The following AKAP13 variants were observed in gnomAD, a reference collection of about 807,000 sequenced individuals.
The protein encoded by AKAP13 is A-kinase anchoring protein 13, also known as A-kinase anchor protein 13.
Under a neutral mutation model 264.5 loss-of-function variants are expected in AKAP13, and 80 were observed. The observed-to-expected ratio is 0.30, with a 90% CI of 0.25 to 0.36. The LOEUF is 0.36. Among genes scored for constraint, AKAP13 ranks in the 10% least tolerant of loss-of-function variants. AKAP13 has a pLI of 1.00. For missense variants in AKAP13, 3,712 were observed against 3,435.2 expected, an observed-to-expected ratio of 1.08 and a Z score of -2.01; for synonymous variants, 1,380 against 1,250.2, an observed-to-expected ratio of 1.10 and a Z score of -2.19.
At chr15:85,733,271 T>C (rs1159818591) in intron 30 of AKAP13, among the ~76,000 whole-genome samples, 3 of 152,274 alleles carry the variant, frequency 2.0e-5, no homozygotes, top group Non-Finnish European at 4.4e-5. Flanking sequence ...CCCCAAGGTA[T>C]TAATTACTCT....
intron 15 of AKAP13, 99 bp from the exon 16 acceptor site, chr15:85,684,642 A>G: frequency 1.5e-6 from 2 of 1,312,762 alleles, no homozygotes; most frequent in Non-Finnish European, 2.1e-6. Context: ...TACTCTATAA[A>G]AAGCCATTCA....
chr15:85,513,954 T>C (rs1186542070), intron 2 of AKAP13, among the ~76,000 whole-genome samples: 2 of 138,360 alleles, frequency 1.4e-5, no homozygotes, highest in Admixed American at 7.2e-5. Flanking sequence ...TCTGTCTTTA[T>C]TGAGATCTTT....
chr15:85,552,242 C>G (rs1025840387), intron 5 of AKAP13, among the ~76,000 whole-genome samples: 4 of 152,174 alleles, frequency 2.6e-5, no homozygotes, highest in African/African-American at 9.7e-5. Flanking sequence ...GTTCTTGATT[C>G]ATTAAACAGC....
chr15:85,479,787 T>C (rs11638498), intron 1 of AKAP13, among the ~76,000 whole-genome samples: 77,264 of 151,992 alleles, frequency 0.51, 20,183 homozygotes, highest in Middle Eastern at 0.61. Context: ...ATGTCATTAA[T>C]GGTGGAGCGC....
At chr15:85,599,242 C>G (rs1196657663) in intron 8 of AKAP13, among the ~76,000 whole-genome samples, 1 of 152,202 alleles carries the variant, frequency 6.6e-6, no homozygotes, top group Non-Finnish European at 1.5e-5. Context: ...GTGGCTGTTG[C>G]AGCTGAACGC....
At chr15:85,617,678 A>C (rs2081002204) in intron 8 of AKAP13, among the ~76,000 whole-genome samples, 1 of 152,240 alleles carries the variant, frequency 6.6e-6, no homozygotes, top group Non-Finnish European at 1.5e-5. Flanking sequence ...TATTGAGGAC[A>C]GAGGGGAGGC....
chr15:85,713,075 C>G (rs900123036), intron 19 of AKAP13, among the ~76,000 whole-genome samples: 6 of 152,170 alleles, frequency 3.9e-5, no homozygotes, highest in African/African-American at 1.4e-4. Context: ...CTATAAAGTA[C>G]TTAGCAGTAA....
chr15:85,740,034 C>T lies in AKAP13; in HGVS notation c.7558-188C>T, dbSNP rs555998186. ...CCTATACATAGGTCACTGTGGTCTT[C>T]GTTTGTTTTTCTTGGCTGCTGGTGC... On this transcript the variant is annotated intron_variant, in intron 33 of 36. Transcript: ENST00000394518. Among the ~76,000 whole-genome samples the T allele has an allele frequency of 3.3e-5, 5 of 152,122 alleles. No homozygotes were observed. The East Asian group carries it at 5.8e-4, about 18-fold the overall frequency.
At chr15:85,519,501 G>A (rs2076734411) in intron 2 of AKAP13, among the ~76,000 whole-genome samples, 1 of 152,108 alleles carries the variant, frequency 6.6e-6, no homozygotes, top group Non-Finnish European at 1.5e-5. Flanking sequence ...TTGAGAAATG[G>A]ACTCTTCTCA....
chr15:85,697,602 CGAATA>C (rs1187362654), intron 17 of AKAP13, among the ~76,000 whole-genome samples: 1 of 151,746 alleles, frequency 6.6e-6, no homozygotes, highest in Non-Finnish European at 1.5e-5. Context: ...AAGGATGAAA[CGAATA>C]GAATCTATAA....
At chr15:85,382,227 TGAAAAA>T (rs2070317040) in intron 1 of AKAP13, 1 of 152,224 alleles carries the variant, frequency 6.6e-6, no homozygotes, top group South Asian at 2.1e-4. Context: ...ATCTGCTAAA[TGAAAAA>T]GAAAAATTTG....
intron 5 of AKAP13, among the ~76,000 whole-genome samples, chr15:85,573,598 A>G (rs1325883521): frequency 6.7e-6 from 1 of 149,972 alleles, no homozygotes; most frequent in African/African-American, 2.5e-5. Context: ...GGATATTCAA[A>G]GGTGTTAATG....
At chr15:85,679,262 A>T (rs996477869) in intron 14 of AKAP13, among the ~76,000 whole-genome samples, 18 of 151,878 alleles carry the variant, frequency 1.2e-4, no homozygotes, top group Admixed American at 1.3e-4. Context: ...ACAACAAAAA[A>T]CCAAGGTCCT....
intron 5 of AKAP13, among the ~76,000 whole-genome samples, chr15:85,573,019 T>C (rs1596569946): frequency 6.6e-6 from 1 of 152,248 alleles, no homozygotes; most frequent in South Asian, 2.1e-4. Context: ...TTATGGCTGC[T>C]ACTGTAGCAT....
chr15:85,512,432 C>T (rs934360565), intron 2 of AKAP13, among the ~76,000 whole-genome samples: 7 of 152,098 alleles, frequency 4.6e-5, no homozygotes, highest in Admixed American at 2.0e-4. Context: ...TGTAGTCCTT[C>T]GATGCCTGCG....
chr15:85,719,315 C>T lies in AKAP13; in HGVS notation c.6241C>T (p.Leu2081Phe). The change falls in exon 23 of 37, where the codon CTT (leucine) becomes TTT (phenylalanine). Residue 2081 changes from leucine (L) to phenylalanine (F), a missense_variant. Physicochemically the swap from Leu to Phe is conservative, Grantham distance 22. Transcript: ENST00000394518. ...TCTCATCAAGAGGATAGGGGATGTG[C>T]TTGTAAATCAGGTGAGAATGGGAAG... Reference protein sequence around the residue: ...NFLIKRIGDVLVNQFSGENAE... With the variant: ...NFLIKRIGDVFVNQFSGENAE... 1 of 1,614,074 alleles carries T rather than the reference C, an allele frequency of 6.2e-7. No homozygotes were observed. The highest frequency in any genetic ancestry group is 8.5e-7 in the Non-Finnish European group (1 of 1,180,008).
chr15:85,529,165 T>G (rs1181521617), intron 3 of AKAP13, among the ~76,000 whole-genome samples: 1 of 152,172 alleles, frequency 6.6e-6, no homozygotes, highest in Non-Finnish European at 1.5e-5. Context: ...GTGTAAGGTG[T>G]AATCCCAGCA....
chr15:85,524,240 C>T (rs530588978), intron 3 of AKAP13, among the ~76,000 whole-genome samples: 8 of 135,146 alleles, frequency 5.9e-5, no homozygotes, highest in South Asian at 2.4e-4. Context: ...TGCAATGGCA[C>T]GATCTTGGCT....
intron 1 of AKAP13, among the ~76,000 whole-genome samples, chr15:85,461,205 T>C (rs2074497973): frequency 1.3e-5 from 2 of 152,284 alleles, no homozygotes; most frequent in African/African-American, 4.8e-5. Context: ...AACCTCTGCC[T>C]GCAGGGTTCA....
Sources: gnomAD v4.1 joint callset for allele counts (sites outside exome capture counted in the v4.1 genomes callset) on GRCh38, gnomAD v4.1.1 for gene constraint, MANE v1.5 for transcripts, NCBI Gene and HGNC (gene_info 2026-07-23, HGNC 2026-07-21) for gene names.